Variants in GFRA2 observed in about 807,000 individuals in gnomAD.
The protein encoded by GFRA2 is GDNF family receptor alpha-2.
A neutral mutation model predicts 48.3 loss-of-function variants in GFRA2; 17 were observed. That is an observed-to-expected ratio of 0.35 (90% CI 0.24 to 0.53). The LOEUF is 0.53. GFRA2 is among the 20% of genes least tolerant of loss of function. The pLI is 0.93. For missense variants in GFRA2, 660 were observed against 637.3 expected (o/e 1.04, Z -0.38); for synonymous variants, 305 against 257.2 (o/e 1.19, Z -1.78).
intron 5 of GFRA2, 30 bp from the exon 6 acceptor site, chr8:21,705,155 G>A (rs1182225284): frequency 6.3e-7 from 1 of 1,592,216 alleles, no homozygotes; most frequent in African/African-American, 1.3e-5. Flanking sequence ...GGGGAGAGGA[G>A]AGAGGTACGG....
intron 2 of GFRA2, among the ~76,000 whole-genome samples, chr8:21,794,222 C>G (rs1183488214): frequency 2.1e-5 from 3 of 145,302 alleles, no homozygotes; most frequent in African/African-American, 7.6e-5. Context: ...TTAAGCTTAT[C>G]CTGAGAGTGA....
At chr8:21,728,775 CA>C (rs1212157102) in intron 4 of GFRA2, among the ~76,000 whole-genome samples, 1 of 152,170 alleles carries the variant, frequency 6.6e-6, no homozygotes, top group Non-Finnish European at 1.5e-5. Flanking sequence ...TATCTGAACA[CA>C]AAGAAATTCT....
At chr8:21,756,668 C>T (rs1805586868) in intron 3 of GFRA2, among the ~76,000 whole-genome samples, 1 of 152,188 alleles carries the variant, frequency 6.6e-6, no homozygotes. Flanking sequence ...TAAATACAAA[C>T]CTCACCTACC....
chr8:21,789,988 C>G, upstream of GFRA2: 1 of 818,140 alleles, frequency 1.2e-6, no homozygotes, highest in Non-Finnish European at 1.5e-6. Context: ...CTCCCGGCTC[C>G]CTAGGCTCCG....
At chr8:21,786,287 A>G (rs1807264782) in intron 1 of GFRA2, among the ~76,000 whole-genome samples, 1 of 152,066 alleles carries the variant, frequency 6.6e-6, no homozygotes, top group Admixed American at 6.6e-5. Context: ...GGCTGGAGAA[A>G]GCCTGCCTGC....
In GFRA2 at chr8:21,769,724, G is replaced by A. The variant is rs370448719; in HGVS notation, c.439+5248C>T. On this transcript the variant is annotated intron_variant, in intron 3 of 8. Transcript: ENST00000524240. ...GACACAGAGACCAACACGTACAATC[G>A]CACACATGCCCTCAATACGTGGCAG... Among the ~76,000 whole-genome samples the A allele has an allele frequency of 8.6e-3, 1,309 of 152,236 alleles. 15 individuals are homozygous for A. The highest frequency in any genetic ancestry group is 0.03 in the African/African-American group (1,254 of 41,534).
intron 3 of GFRA2, among the ~76,000 whole-genome samples, chr8:21,759,544 G>GGGAAGGAA (rs912570753): frequency 1.2e-5 from 1 of 82,680 alleles, no homozygotes; most frequent in Non-Finnish European, 2.5e-5. Context: ...GAAGGAAGGA[G>GGGAAGGAA]GGAAGGAAGG....
chr8:21,721,867 T>C (rs915511985), intron 4 of GFRA2, among the ~76,000 whole-genome samples: 2 of 152,082 alleles, frequency 1.3e-5, no homozygotes, highest in Admixed American at 6.5e-5. Context: ...AGGGCAAATA[T>C]ATTCTCGGAG....
At chr8:21,717,712 G>C (rs1377308009) in intron 4 of GFRA2, among the ~76,000 whole-genome samples, 3 of 152,172 alleles carry the variant, frequency 2.0e-5, no homozygotes, top group Admixed American at 2.0e-4. Context: ...CACCATCTCA[G>C]AGAAGACCTG....
intron 4 of GFRA2, among the ~76,000 whole-genome samples, chr8:21,713,559 G>A (rs988972688): frequency 6.6e-6 from 1 of 151,942 alleles, no homozygotes; most frequent in African/African-American, 2.4e-5. Context: ...GGCTGAGTGT[G>A]CAAAGATCAA....
intron 2 of GFRA2, among the ~76,000 whole-genome samples, chr8:21,781,556 G>A (rs1472174147): frequency 6.6e-6 from 1 of 152,092 alleles, no homozygotes; most frequent in Non-Finnish European, 1.5e-5. Context: ...TTACAGCAAA[G>A]ACGTGGATGC....
intron 1 of GFRA2, among the ~76,000 whole-genome samples, chr8:21,808,783 A>G (rs1585356349): frequency 6.6e-6 from 1 of 152,230 alleles, no homozygotes; most frequent in Non-Finnish European, 1.5e-5. Flanking sequence ...AGCTTCCCAC[A>G]CCCGAGCTGC....
intron 3 of GFRA2, among the ~76,000 whole-genome samples, chr8:21,765,272 T>C (rs36130401): frequency 0.19 from 29,107 of 151,800 alleles, 2,921 homozygotes; most frequent in South Asian, 0.25. Context: ...CCACCATGCC[T>C]GCCAGTTTTT....
intron 1 of GFRA2, 108 bp from the exon 2 acceptor site, chr8:21,783,007 G>A (rs374360816): frequency 1.4e-5 from 15 of 1,069,356 alleles, no homozygotes; most frequent in African/African-American, 1.3e-4. Flanking sequence ...CACCCATTTC[G>A]CCAAAGCACA....
chr8:21,762,626 C>A, intron 3 of GFRA2, among the ~76,000 whole-genome samples: 6 of 152,186 alleles, frequency 3.9e-5, no homozygotes, highest in African/African-American at 1.4e-4. Flanking sequence ...TGGAACCTTT[C>A]AAATTGCATT....
At chr8:21,718,013 C>A (rs1803416286) in intron 4 of GFRA2, among the ~76,000 whole-genome samples, 1 of 152,150 alleles carries the variant, frequency 6.6e-6, no homozygotes, top group African/African-American at 2.4e-5. Context: ...TGATCTTGAG[C>A]AGGTAATTAA....
upstream of GFRA2, chr8:21,788,880 G>T (rs1053559368): frequency 1.0e-5 from 8 of 790,060 alleles, no homozygotes; most frequent in African/African-American, 3.8e-5. Flanking sequence ...GCTCTCCCTC[G>T]CTCTCCTCTC....
At chr8:21,700,052 G>A (rs1802395186) in intron 7 of GFRA2, among the ~76,000 whole-genome samples, 1 of 152,166 alleles carries the variant, frequency 6.6e-6, no homozygotes, top group Non-Finnish European at 1.5e-5. Context: ...TTCCCAAGAG[G>A]TGACATCAGG....
chr8:21,788,500 G>A lies in GFRA2; in HGVS notation c.-341C>T. ...GTCCGGGAAGGCGTGAGTCCCCGCG[G>A]GTCCAATTCCCCTGCGCTTCCCAGG... On this transcript the variant is annotated 5_prime_UTR_variant, in exon 1 of 9. Coordinates refer to ENST00000524240, the MANE Select transcript of GFRA2 (RefSeq NM_001495.5). The A allele has an allele frequency of 1.9e-6, 2 of 1,072,986 alleles. No homozygotes were observed. Among genetic ancestry groups the A allele is most frequent in the Non-Finnish European group, 2.3e-6 (2 of 887,936 alleles). The allele number at this position is 1,072,986 out of a possible 1,614,324, so 66.5% of individuals were successfully genotyped here. A position where few individuals can be genotyped will look rare whatever the true frequency, so the allele number is the denominator to read the frequency against.
Sources: gnomAD v4.1 joint callset for allele counts (sites outside exome capture counted in the v4.1 genomes callset) on GRCh38, gnomAD v4.1.1 for gene constraint, MANE v1.5 for transcripts, NCBI Gene and HGNC (gene_info 2026-07-23, HGNC 2026-07-21) for gene names.